The following IQSEC3 variants were observed in gnomAD, a reference collection of about 807,000 sequenced individuals.
The protein encoded by IQSEC3 is IQ motif and SEC7 domain-containing protein 3.
A neutral mutation model predicts 105.4 loss-of-function variants in IQSEC3; 50 were observed. The observed-to-expected ratio is 0.47, with a 90% CI of 0.38 to 0.60. The LOEUF (loss-of-function observed/expected upper bound fraction) is 0.60, where lower values mean the gene tolerates loss of function less well. Among genes scored for constraint, IQSEC3 ranks in the 20% least tolerant of loss-of-function variants. The pLI is 0.00. For synonymous variants in IQSEC3, 708 were observed against 746.0 expected (o/e 0.95, Z 0.83); for missense variants, 1,415 against 1,630.0 (o/e 0.87, Z 2.27).
chr12:125,629 A>G lies in IQSEC3; in HGVS notation c.624-4A>G, dbSNP rs1865364005. On this transcript the variant is annotated splice_polypyrimidine_tract_variant and splice_region_variant and intron_variant, in intron 2 of 13. Coordinates refer to ENST00000538872, the MANE Select transcript of IQSEC3 (RefSeq NM_001170738.2). Reference sequence around the variant, plus strand: ...AACCGAGCACCGTTGCCTTCTGTTCACAGTGATGGCTCCTGCACCCAGGCC... The same window carrying G: ...AACCGAGCACCGTTGCCTTCTGTTCGCAGTGATGGCTCCTGCACCCAGGCC... The G allele has an allele frequency of 1.3e-6, 2 of 1,496,492 alleles. No homozygotes were observed. Among genetic ancestry groups the G allele is most frequent in the Non-Finnish European group, 1.8e-6 (2 of 1,134,836 alleles). 92.7% of individuals were successfully genotyped at this position (1,496,492 alleles called of 1,614,324 possible).
intron 7 of IQSEC3, among the ~76,000 whole-genome samples, chr12:160,540 G>C (rs1268584630): frequency 6.6e-6 from 1 of 152,198 alleles, no homozygotes; most frequent in African/African-American, 2.4e-5. Flanking sequence ...TCATCCCCCA[G>C]TATTCAGCAG....
At chr12:105,696 G>A (rs571188255) in intron 2 of IQSEC3, among the ~76,000 whole-genome samples, 6 of 152,342 alleles carry the variant, frequency 3.9e-5, no homozygotes, top group South Asian at 2.1e-4. Context: ...TTGGGAGGGC[G>A]TATTAAAATA....
At chr12:86,302 A>G (rs1433447473) in intron 1 of IQSEC3, among the ~76,000 whole-genome samples, 1 of 152,106 alleles carries the variant, frequency 6.6e-6, no homozygotes, top group Non-Finnish European at 1.5e-5. Context: ...CAGATTCTGG[A>G]TGTCTAGATT....
chr12:71,404 A>G (rs1555067485), intron 1 of IQSEC3, among the ~76,000 whole-genome samples: 1 of 152,296 alleles, frequency 6.6e-6, no homozygotes, highest in African/African-American at 2.4e-5. Flanking sequence ...TAAAAGAGAC[A>G]CATATCTAGA....
Position 125,650 on chromosome 12 carries a change from A to G in IQSEC3, c.641A>G (p.Gln214Arg). ...GTTCACAGTGATGGCTCCTGCACCC[A>G]GGCCGGTGGGGGCATGGAGGACTCC... ...LASQSDGSCT[Q>R]AGGGMEDSVV... The change falls in exon 3 of 14, where the codon CAG becomes CGG. Residue 214 changes from glutamine to arginine, a missense_variant. Gln to Arg is a conservative substitution (Grantham distance 43). Transcript: ENST00000538872. 1 of 1,523,240 alleles carries G rather than the reference A, an allele frequency of 6.6e-7. No individual in the cohort carries two copies. The highest frequency in any genetic ancestry group is 8.7e-7 in the Non-Finnish European group (1 of 1,147,180). 94.4% of individuals were successfully genotyped at this position (1,523,240 alleles called of 1,614,324 possible).
intron 2 of IQSEC3, among the ~76,000 whole-genome samples, chr12:114,719 C>G (rs1202161195): frequency 6.6e-6 from 1 of 152,096 alleles, no homozygotes. Context: ...ATTTTATCAG[C>G]CAACAGTTTG....
chr12:172,268 C>T (rs962803113), intron 13 of IQSEC3, among the ~76,000 whole-genome samples: 20 of 150,868 alleles, frequency 1.3e-4, no homozygotes, highest in Non-Finnish European at 2.8e-4. Flanking sequence ...GGCACCTTTA[C>T]AAGGAGGAGC....
intron 2 of IQSEC3, among the ~76,000 whole-genome samples, chr12:100,457 T>C (rs1180727489): frequency 4.6e-5 from 7 of 152,202 alleles, no homozygotes; most frequent in Non-Finnish European, 8.8e-5. Context: ...TGGCTAGTGA[T>C]CTTGGGGCAC....
At chr12:146,414 A>G (rs1469905559) in intron 5 of IQSEC3, among the ~76,000 whole-genome samples, 2 of 152,042 alleles carry the variant, frequency 1.3e-5, no homozygotes, top group African/African-American at 4.8e-5. Flanking sequence ...CTAGGAGGTT[A>G]GGGCTACTGT....
chr12:140,253 T>C (rs1273336577), intron 4 of IQSEC3: 1 of 152,178 alleles, frequency 6.6e-6, no homozygotes, highest in African/African-American at 2.4e-5. Flanking sequence ...ACATAAAGCA[T>C]CTGTAATCTT....
chr12:76,086 TCACACACACACACACACACACA>T (rs55736036), intron 1 of IQSEC3, among the ~76,000 whole-genome samples: 14 of 148,346 alleles, frequency 9.4e-5, no homozygotes, highest in Admixed American at 6.6e-4. Flanking sequence ...GAGAGTTTCA[TCACACACACACACACACACACA>T]CACACACACA....
intron 2 of IQSEC3, among the ~76,000 whole-genome samples, chr12:118,156 G>A (rs1292362182): frequency 6.6e-6 from 1 of 152,156 alleles, no homozygotes; most frequent in African/African-American, 2.4e-5. Context: ...GGCTGCGGTG[G>A]GATTGCCTCC....
chr12:141,342 GCT>G, intron 5 of IQSEC3, 57 bp downstream of exon 5: 1 of 1,560,316 alleles, frequency 6.4e-7, no homozygotes, highest in East Asian at 2.3e-5. Flanking sequence ...ACCTGCCCGG[GCT>G]CTCTCTGTGA....
chr12:150,779 A>G (rs1866475906), intron 5 of IQSEC3, among the ~76,000 whole-genome samples: 1 of 152,154 alleles, frequency 6.6e-6, no homozygotes, highest in South Asian at 2.1e-4. Context: ...AGCAAAGAGG[A>G]GAGAAGAGAG....
chr12:143,776 C>T (rs1866138911), intron 5 of IQSEC3: 2 of 174,188 alleles, frequency 1.1e-5, no homozygotes, highest in Non-Finnish European at 1.2e-5. Context: ...ATTCAACAAA[C>T]ATCGAGCACT....
intron 2 of IQSEC3, among the ~76,000 whole-genome samples, chr12:101,022 T>G (rs1348724886): frequency 6.6e-6 from 1 of 152,070 alleles, no homozygotes; most frequent in African/African-American, 2.4e-5. Flanking sequence ...CTCCATCAAT[T>G]CAACTCAATT....
chr12:135,933 C>T (rs1865749967), intron 3 of IQSEC3, among the ~76,000 whole-genome samples: 1 of 152,158 alleles, frequency 6.6e-6, no homozygotes, highest in South Asian at 2.1e-4. Context: ...TGAGCTGTGC[C>T]CAGACTAGAT....
chr12:78,052 C>G (rs1172221278), intron 1 of IQSEC3, among the ~76,000 whole-genome samples: 2 of 151,278 alleles, frequency 1.3e-5, no homozygotes, highest in Non-Finnish European at 3.0e-5. Flanking sequence ...CCGCGCGCCC[C>G]CGCCGCCCCG....
intron 2 of IQSEC3, among the ~76,000 whole-genome samples, chr12:101,298 G>A (rs1199013414): frequency 6.6e-6 from 1 of 152,216 alleles, no homozygotes; most frequent in African/African-American, 2.4e-5. Flanking sequence ...CAGAATGTAG[G>A]TAGATGTGGG....
Sources: allele counts gnomAD v4.1 joint callset (sites outside exome capture counted in the v4.1 genomes callset), GRCh38; gene constraint gnomAD v4.1.1; transcripts MANE v1.5; gene names NCBI Gene and HGNC (gene_info 2026-07-23, HGNC 2026-07-21).